Variants in NCAM2 observed in about 807,000 individuals in gnomAD.
The protein encoded by NCAM2 is N-CAM-2.
Under a neutral mutation model 98.1 loss-of-function variants are expected in NCAM2, and 30 were observed. The observed-to-expected ratio is 0.31, with a 90% CI of 0.23 to 0.41. The LOEUF (loss-of-function observed/expected upper bound fraction) is 0.41. Ranked by LOEUF, NCAM2 falls within the 10% of genes least tolerant of loss-of-function variation. The pLI, the probability that NCAM2 is intolerant of heterozygous loss-of-function variation, is 1.00. For missense variants in NCAM2, 867 were observed against 1,005.8 expected (o/e 0.86, Z 1.87); for synonymous variants, 368 against 342.4 (o/e 1.07, Z -0.83).
rs561544966 is a variant in NCAM2 at position 21,462,689 on chromosome 21, C to G, written c.1655-3917C>G. On this transcript the variant is annotated intron_variant, in intron 12 of 17. Transcript: ENST00000400546. The stretch of plus-strand genomic sequence containing the variant: ...TATCTTGACTTTTTTGTCTTTTTTG[C>G]CTTTATAGACAGGTGATAAAGCGTT... Among the ~76,000 whole-genome samples the G allele has an allele frequency of 5.3e-5, 8 of 151,222 alleles. No homozygotes were observed. The South Asian group carries it at 1.7e-3, about 32-fold the overall frequency.
chr21:21,296,004 G>C (rs578056669), intron 5 of NCAM2, among the ~76,000 whole-genome samples: 22 of 151,860 alleles, frequency 1.4e-4, no homozygotes, highest in Non-Finnish European at 2.9e-4. Context: ...TAGCTGAAGA[G>C]TTTTTACTGT....
chr21:21,206,066 A>C (rs549770139), intron 1 of NCAM2, among the ~76,000 whole-genome samples: 1 of 152,214 alleles, frequency 6.6e-6, no homozygotes, highest in Admixed American at 6.6e-5. Context: ...CAACTTATTC[A>C]ATTTCATCTC....
chr21:21,502,514 T>C (rs1163119420), intron 15 of NCAM2, among the ~76,000 whole-genome samples: 1 of 151,944 alleles, frequency 6.6e-6, no homozygotes, highest in Admixed American at 6.6e-5. Flanking sequence ...TGCAGGGGAT[T>C]TTTTAATCTT....
chr21:21,453,862 C>T (rs575807373), intron 12 of NCAM2, among the ~76,000 whole-genome samples: 11 of 152,054 alleles, frequency 7.2e-5, no homozygotes, highest in Admixed American at 3.3e-4. Context: ...GAATATAAGG[C>T]GATGTTTATA....
At chr21:21,276,078 A>G (rs57667240) in intron 1 of NCAM2, among the ~76,000 whole-genome samples, 4,692 of 152,076 alleles carry the variant, frequency 0.031, 245 homozygotes, top group African/African-American at 0.11. Context: ...CTATCCTTTT[A>G]TAACAATATC....
chr21:21,303,595 C>A (rs1344122142), intron 5 of NCAM2, among the ~76,000 whole-genome samples: 1 of 151,986 alleles, frequency 6.6e-6, no homozygotes, highest in Admixed American at 6.6e-5. Flanking sequence ...TTGGTATGGG[C>A]ATGTTTTTAT....
intron 5 of NCAM2, among the ~76,000 whole-genome samples, chr21:21,307,831 T>A (rs1259737851): frequency 2.0e-5 from 3 of 152,134 alleles, no homozygotes; most frequent in Non-Finnish European, 4.4e-5. Context: ...CTCTTCTTCT[T>A]ACAGCTGAAG....
intron 5 of NCAM2, among the ~76,000 whole-genome samples, chr21:21,320,176 T>C (rs112285823): frequency 2.6e-5 from 4 of 152,290 alleles, no homozygotes; most frequent in African/African-American, 9.6e-5. Flanking sequence ...AATTTGCTAT[T>C]CGTCAAATAT....
chr21:21,478,241 A>T (rs2146264743), intron 15 of NCAM2, among the ~76,000 whole-genome samples: 1 of 152,178 alleles, frequency 6.6e-6, no homozygotes, highest in African/African-American at 2.4e-5. Flanking sequence ...ATTTTCCCTC[A>T]GTTATTACTT....
intron 11 of NCAM2, among the ~76,000 whole-genome samples, chr21:21,430,437 T>C (rs2077309834): frequency 7.0e-6 from 1 of 142,942 alleles, no homozygotes; most frequent in Non-Finnish European, 1.6e-5. Flanking sequence ...AAGAAATATC[T>C]GAGACTGGAT....
chr21:21,312,206 A>G (rs1212666437), intron 5 of NCAM2, among the ~76,000 whole-genome samples: 1 of 152,062 alleles, frequency 6.6e-6, no homozygotes, highest in East Asian at 1.9e-4. Flanking sequence ...AGATTTTATC[A>G]TGAGTGGATG....
chr21:21,002,886 G>A (rs182897068), intron 1 of NCAM2, among the ~76,000 whole-genome samples: 63 of 152,066 alleles, frequency 4.1e-4, no homozygotes, highest in African/African-American at 8.7e-4. Flanking sequence ...CTGAGGATAG[G>A]CCTATTTAAA....
intron 1 of NCAM2, among the ~76,000 whole-genome samples, chr21:21,081,137 A>G (rs1400785346): frequency 1.3e-5 from 2 of 152,106 alleles, no homozygotes; most frequent in Non-Finnish European, 2.9e-5. Context: ...GAGCATGCAC[A>G]GTGTGTTTAC....
chr21:21,089,081 AGTT>A (rs1601333668), intron 1 of NCAM2, among the ~76,000 whole-genome samples: 1 of 151,100 alleles, frequency 6.6e-6, no homozygotes, highest in Non-Finnish European at 1.5e-5. Flanking sequence ...CATTTTTTTT[AGTT>A]GTTTTTTGTT....
intron 5 of NCAM2, among the ~76,000 whole-genome samples, chr21:21,298,177 AAAGTT>A (rs2073562527): frequency 6.6e-6 from 1 of 151,786 alleles, no homozygotes; most frequent in Non-Finnish European, 1.5e-5. Context: ...TAAAAAATGA[AAAGTT>A]AAGTCAAAAT....
intron 8 of NCAM2, among the ~76,000 whole-genome samples, chr21:21,372,994 G>A (rs1381427285): frequency 6.6e-6 from 1 of 151,670 alleles, no homozygotes; most frequent in Non-Finnish European, 1.5e-5. Context: ...AATTTGCTTT[G>A]CATTATTAAT....
At chr21:21,450,320 G>C (rs551779105) in intron 12 of NCAM2, among the ~76,000 whole-genome samples, 2 of 151,376 alleles carry the variant, frequency 1.3e-5, no homozygotes, top group South Asian at 2.1e-4. Flanking sequence ...GTGTGTGTGT[G>C]CCTCATGTGT....
chr21:21,477,387 C>G lies in NCAM2; in HGVS notation c.1993C>G (p.Gln665Glu), dbSNP rs1223111527. Residue 665 changes from glutamine (Q) to glutamate (E), a missense_variant, in exon 15 of 18, where the codon CAG becomes GAG. This residue lies in a region of NCAM2 where 234 missense variants were observed against 333.8 expected (regional missense o/e 0.70). Coordinates refer to ENST00000400546, the MANE Select transcript of NCAM2 (RefSeq NM_004540.5). Reference sequence around the variant, plus strand: ...CCAGTGGACCATGGGGTATGAAGTTCAGATTACAGCTGCCAATAGATTGGG... The same window carrying G: ...CCAGTGGACCATGGGGTATGAAGTTGAGATTACAGCTGCCAATAGATTGGG... ...HLQWTMGYEV[Q>E]ITAANRLGYS... 1.2e-6 allele frequency: 2 copies of G among 1,612,408 alleles called. No homozygotes were observed. The highest frequency in any genetic ancestry group is 1.1e-5 in the South Asian group (1 of 90,916).
At position 21,434,963 on chromosome 21, in the gene NCAM2, G is replaced by C. The variant is rs78647119; in HGVS notation, c.1654+2682G>C. Among the ~76,000 whole-genome samples the C allele has an allele frequency of 2.9e-3, 446 of 152,244 alleles. 5 individuals carry two copies. The highest frequency in any genetic ancestry group is 0.01 in the African/African-American group (425 of 41,552). On this transcript the variant is annotated intron_variant, in intron 12 of 17. Coordinates refer to ENST00000400546, the MANE Select transcript of NCAM2 (RefSeq NM_004540.5). ...CTGTGGGACAGGCATCTAAGTACCTGCCCCTTGGGGATGTGTGACTGGAGT... is the reference window on the plus strand; with the variant it reads ...CTGTGGGACAGGCATCTAAGTACCTCCCCCTTGGGGATGTGTGACTGGAGT...
Sources: gnomAD v4.1 joint callset for allele counts (sites outside exome capture counted in the v4.1 genomes callset) on GRCh38, gnomAD v4.1.1 for gene constraint, gnomAD v4.1.1 regional missense constraint, MANE v1.5 for transcripts, NCBI Gene and HGNC (gene_info 2026-07-23, HGNC 2026-07-21) for gene names.